GREM2: variants seen among roughly 807,000 people sequenced by gnomAD.
GREM2 encodes the protein gremlin-2.
GREM2 carries 11 observed loss-of-function variants against 14.2 expected under a neutral mutation model. That is an observed-to-expected ratio of 0.78 (90% CI 0.49 to 1.28). GREM2 has a LOEUF of 1.28. Ranked by LOEUF, GREM2 falls within the 50% of genes most tolerant of loss-of-function variation. The pLI is 0.00. For synonymous variants in GREM2, 98 were observed against 97.6 expected, an observed-to-expected ratio of 1.00 and a Z score of -0.02; for missense variants, 210 against 218.5, an observed-to-expected ratio of 0.96 and a Z score of 0.24.
Position 240,489,899 on chromosome 1 carries a change from T to C in GREM2, c.*3070A>G, listed in dbSNP as rs1278103760. 6.6e-6 allele frequency: 1 copy of C among 152,224 alleles called. No homozygotes were observed. Among genetic ancestry groups the C allele is most frequent in the East Asian group, 1.9e-4 (1 of 5,198 alleles). 9.4% of individuals were successfully genotyped at this position (152,224 alleles called of 1,614,324 possible). A position where few individuals can be genotyped will look rare whatever the true frequency, so the allele number is the denominator to read the frequency against. ...CATTTAATAAACTAAGATGAATTAT[T>C]TCCTAGGAAGTTGAGTTTAATTCCT... On this transcript the variant is annotated 3_prime_UTR_variant, in exon 2 of 2. Coordinates refer to ENST00000318160, the MANE Select transcript of GREM2 (RefSeq NM_022469.4).
At position 240,581,517 on chromosome 1, in the gene GREM2, G is replaced by T. The variant is rs1473245053; in HGVS notation, c.-2+30367C>A. Among the ~76,000 whole-genome samples, 4 of 151,552 alleles carry T rather than the reference G, an allele frequency of 2.6e-5. No individual in the cohort carries two copies. The East Asian group carries it at 7.8e-4, about 29-fold the overall frequency. On this transcript the variant is annotated intron_variant, in intron 1 of 1. Coordinates refer to ENST00000318160, the MANE Select transcript of GREM2 (RefSeq NM_022469.4). ...AACACCTATCTAAATATTTAGATGG[G>T]GTTTTATAATTTTATAACAAAGTCA...
intron 1 of GREM2, among the ~76,000 whole-genome samples, chr1:240,604,309 A>ATATGTGTG (rs149122735): frequency 2.6e-5 from 3 of 116,590 alleles, no homozygotes; most frequent in Admixed American, 8.6e-5. Context: ...AACTATACGT[A>ATATGTGTG]TGTGTGTGTG....
At chr1:240,563,389 T>C (rs1679113831) in intron 1 of GREM2, among the ~76,000 whole-genome samples, 1 of 152,204 alleles carries the variant, frequency 6.6e-6, no homozygotes, top group Non-Finnish European at 1.5e-5. Flanking sequence ...TGTTTGTTAC[T>C]GCGTATGGAA....
rs1239036967 is a variant in GREM2, at chr1:240,544,144, A to T, written c.-1-50668T>A. Among the ~76,000 whole-genome samples, 3 of 147,456 alleles carry T rather than the reference A, an allele frequency of 2.0e-5. No individual in the cohort carries two copies. The East Asian group carries it at 5.9e-4, about 29-fold the overall frequency. ...GACTGTGCATAGATTATATGCAAGC[A>T]CTAGGCCTTTTTTTTTTTTTTTTGA... On this transcript the variant is annotated intron_variant, in intron 1 of 1. Transcript: ENST00000318160.
At chr1:240,563,007 A>AGTGTATGTGTGTATGTGTGTATATGAGT (rs1679094698) in intron 1 of GREM2, among the ~76,000 whole-genome samples, 3 of 99,456 alleles carry the variant, frequency 3.0e-5, no homozygotes, top group South Asian at 6.3e-4. Flanking sequence ...TGTATATGTG[A>AGTGTATGTGTGTATGTGTGTATATGAGT]GTGTATGTGT....
chr1:240,558,761 C>T (rs1278303950), intron 1 of GREM2, among the ~76,000 whole-genome samples: 2 of 151,820 alleles, frequency 1.3e-5, no homozygotes, highest in African/African-American at 4.8e-5. Context: ...TTGGTTATAT[C>T]TATCATATTG....
intron 1 of GREM2, among the ~76,000 whole-genome samples, chr1:240,519,689 G>T (rs1280586874): frequency 6.6e-6 from 1 of 152,012 alleles, no homozygotes; most frequent in Admixed American, 6.6e-5. Context: ...GGGATAAAAA[G>T]ATACATTTTT....
At chr1:240,563,135 ATG>A (rs10549945) in intron 1 of GREM2, among the ~76,000 whole-genome samples, 15,437 of 134,524 alleles carry the variant, frequency 0.11, 1,988 homozygotes, top group African/African-American at 0.34. Context: ...GTGTATGTGT[ATG>A]TGTGTGTGTG....
chr1:240,522,550 T>C (rs950657893), intron 1 of GREM2, among the ~76,000 whole-genome samples: 1 of 152,182 alleles, frequency 6.6e-6, no homozygotes, highest in Non-Finnish European at 1.5e-5. Flanking sequence ...GAGAACGTCA[T>C]TGTTGTCAGG....
At chr1:240,549,846 G>C (rs1678809099) in intron 1 of GREM2, 1 of 152,372 alleles carries the variant, frequency 6.6e-6, no homozygotes, top group Admixed American at 6.5e-5. Context: ...GGCAAGATAA[G>C]GAATGATTAA....
chr1:240,550,772 T>C (rs1048477437), intron 1 of GREM2, among the ~76,000 whole-genome samples: 5 of 152,348 alleles, frequency 3.3e-5, no homozygotes, highest in Non-Finnish European at 7.4e-5. Context: ...ACAAGTTGAC[T>C]AATTCAAAAT....
intron 1 of GREM2, among the ~76,000 whole-genome samples, chr1:240,503,380 C>T (rs1468080531): frequency 6.6e-6 from 1 of 152,168 alleles, no homozygotes; most frequent in Non-Finnish European, 1.5e-5. Context: ...TTAGTCTCTT[C>T]GCTGGCCTCC....
At chr1:240,595,421 C>T (rs1263758946) in intron 1 of GREM2, among the ~76,000 whole-genome samples, 2 of 152,180 alleles carry the variant, frequency 1.3e-5, no homozygotes, top group African/African-American at 4.8e-5. Context: ...ACTTCATCCC[C>T]TCCCCATGCA....
intron 1 of GREM2, among the ~76,000 whole-genome samples, chr1:240,528,017 G>T (rs1330585525): frequency 6.6e-6 from 1 of 152,056 alleles, no homozygotes; most frequent in Non-Finnish European, 1.5e-5. Context: ...AGAAAATTTG[G>T]GTTAAAAAAC....
At chr1:240,564,507 C>CA (rs35623408) in intron 1 of GREM2, among the ~76,000 whole-genome samples, 6,140 of 138,072 alleles carry the variant, frequency 0.044, 309 homozygotes, top group African/African-American at 0.13. Flanking sequence ...GACCCTGTCT[C>CA]AAAAAAAAAA....
At chr1:240,578,310 G>C (rs769253314) in intron 1 of GREM2, among the ~76,000 whole-genome samples, 1 of 151,952 alleles carries the variant, frequency 6.6e-6, no homozygotes, top group African/African-American at 2.4e-5. Context: ...ATTTTTAGTA[G>C]AGATGGGGTT....
At chr1:240,596,739 C>T (rs1679825883) in intron 1 of GREM2, among the ~76,000 whole-genome samples, 1 of 151,764 alleles carries the variant, frequency 6.6e-6, no homozygotes, top group Admixed American at 6.6e-5. Context: ...TTTCTAATGC[C>T]ATCTCAGGCT....
intron 1 of GREM2, among the ~76,000 whole-genome samples, chr1:240,513,740 G>A (rs1323777855): frequency 6.6e-6 from 1 of 152,110 alleles, no homozygotes; most frequent in Non-Finnish European, 1.5e-5. Flanking sequence ...TGTTTGGTGA[G>A]AAGCCACAAC....
At chr1:240,547,527 A>G (rs1678763871) in intron 1 of GREM2, among the ~76,000 whole-genome samples, 2 of 140,670 alleles carry the variant, frequency 1.4e-5, no homozygotes. Flanking sequence ...ATATATATAT[A>G]TATATATAGA....
Sources: allele counts gnomAD v4.1 joint callset (sites outside exome capture counted in the v4.1 genomes callset), GRCh38; gene constraint gnomAD v4.1.1; transcripts MANE v1.5; gene names NCBI Gene and HGNC (gene_info 2026-07-23, HGNC 2026-07-21).